Variants in IQSEC3 observed in about 807,000 individuals in gnomAD.
IQSEC3 encodes IQ motif and SEC7 domain-containing protein 3.
In IQSEC3, 50 loss-of-function variants were observed where a neutral mutation model predicts 105.4. The observed-to-expected ratio is 0.47, with a 90% CI of 0.38 to 0.60. The LOEUF (loss-of-function observed/expected upper bound fraction) is 0.60. IQSEC3 is among the 20% of genes least tolerant of loss of function. The pLI, the probability that IQSEC3 is intolerant of heterozygous loss-of-function variation, is 0.00. For missense variants in IQSEC3, 1,415 were observed against 1,630.0 expected (o/e 0.87, Z 2.27); for synonymous variants, 708 against 746.0 (o/e 0.95, Z 0.83).
chr12:95,640 T>C (rs934728960), intron 1 of IQSEC3, among the ~76,000 whole-genome samples: 3 of 152,258 alleles, frequency 2.0e-5, no homozygotes, highest in Non-Finnish European at 4.4e-5. Flanking sequence ...TTTGCATTCA[T>C]ATATAAATAG....
At chr12:110,711 G>T (rs578197503) in intron 2 of IQSEC3, among the ~76,000 whole-genome samples, 2 of 152,202 alleles carry the variant, frequency 1.3e-5, no homozygotes, top group Admixed American at 6.5e-5. Flanking sequence ...TAAAAATGGG[G>T]TCATAAAAAT....
At chr12:76,246 C>T (rs142895355) in intron 1 of IQSEC3, among the ~76,000 whole-genome samples, 2 of 152,330 alleles carry the variant, frequency 1.3e-5, no homozygotes, top group African/African-American at 4.8e-5. Flanking sequence ...AGCTGGATTC[C>T]GGGGTCATGA....
intron 4 of IQSEC3, 66 bp downstream of exon 4, chr12:139,420 A>T: frequency 9.1e-6 from 12 of 1,320,302 alleles, no homozygotes; most frequent in Non-Finnish European, 1.2e-5. Context: ...GGAGGAGGGC[A>T]CCTTCCCTCC....
rs78322129 is a variant in IQSEC3 at position 131,879 on chromosome 12, G to A, written c.903+5967G>A. Among the ~76,000 whole-genome samples, 1,004 of 152,324 alleles carry A rather than the reference G, an allele frequency of 6.6e-3. 12 individuals carry two copies. The highest frequency in any genetic ancestry group is 0.022 in the African/African-American group (924 of 41,572). On this transcript the variant is annotated intron_variant, in intron 3 of 13. Transcript: ENST00000538872. ...GGTTAGGACACACGATGGTGAACCC[G>A]GAACTGAATTCCAGTGTTATTCAGG...
intron 1 of IQSEC3, among the ~76,000 whole-genome samples, chr12:96,297 C>T (rs972682008): frequency 2.0e-5 from 3 of 152,070 alleles, no homozygotes; most frequent in Admixed American, 1.3e-4. Flanking sequence ...TAAAATGAGA[C>T]GGTGTAAAGA....
chr12:95,665 G>T (rs1315551842), intron 1 of IQSEC3, among the ~76,000 whole-genome samples: 1 of 152,150 alleles, frequency 6.6e-6, no homozygotes, highest in Non-Finnish European at 1.5e-5. Context: ...CACATGCAAA[G>T]AATTTGCATT....
Position 67,205 on chromosome 12 carries a change from C to G in IQSEC3, c.323C>G (p.Ala108Gly), listed in dbSNP as rs1475940208. The G allele has an allele frequency of 6.4e-7, 1 of 1,553,884 alleles. No homozygotes were observed. Among genetic ancestry groups the G allele is most frequent in the African/African-American group, 1.4e-5 (1 of 73,408 alleles). ...GQRSAAAPHP[A>G]PDRPPRQHHG... Reference sequence around the variant, plus strand: ...CGCTCAGCAGCCGCGCCGCATCCCGCGCCCGATCGGCCGCCGCGTCAGCAC... The same window carrying G: ...CGCTCAGCAGCCGCGCCGCATCCCGGGCCCGATCGGCCGCCGCGTCAGCAC... Residue 108 changes from alanine to glycine, a missense_variant, in exon 1 of 14, where the codon GCG (alanine) becomes GGG (glycine). Ala to Gly is a moderately conservative substitution (Grantham distance 60, BLOSUM62 0). Around this residue, in one of 6 missense-constraint regions of IQSEC3, gnomAD observed 26 missense variants for 108.1 expected, o/e 0.24. Coordinates refer to ENST00000538872, the MANE Select transcript of IQSEC3 (RefSeq NM_001170738.2).
intron 13 of IQSEC3, 63 bp downstream of exon 13, chr12:171,224 G>C: frequency 6.2e-7 from 1 of 1,613,754 alleles, no homozygotes; most frequent in East Asian, 2.2e-5. Flanking sequence ...TCTTCTCACC[G>C]TCTCTGTTGT....
At chr12:140,764 C>T in intron 4 of IQSEC3, 1 of 222,860 alleles carries the variant, frequency 4.5e-6, no homozygotes, top group Non-Finnish European at 8.8e-6. Flanking sequence ...CTCTGTTTCT[C>T]CCACCCTCTC....
intron 7 of IQSEC3, among the ~76,000 whole-genome samples, chr12:160,186 T>TCC (rs1390356450): frequency 4.7e-5 from 7 of 148,376 alleles, no homozygotes; most frequent in African/African-American, 1.5e-4. Flanking sequence ...GTTTTTTTTT[T>TCC]CCCCCATATT....
chr12:99,094 C>T (rs370911056), intron 1 of IQSEC3, 52 bp from the exon 2 acceptor site: 76 of 1,506,132 alleles, frequency 5.0e-5, no homozygotes, highest in African/African-American at 5.5e-5. Flanking sequence ...TCAGGCAGGG[C>T]GGGGACCCAG....
chr12:78,275 G>A lies in IQSEC3; in HGVS notation c.554+10839G>A, dbSNP rs1452767914. On this transcript the variant is annotated intron_variant, in intron 1 of 13. Coordinates refer to ENST00000538872, the MANE Select transcript of IQSEC3 (RefSeq NM_001170738.2). Reference sequence around the variant, plus strand: ...GCCCGCCGCCAGCCCGGGGAGCATCGGGGCCGCGGCCTTCGGGCCGGGTGC... The same window carrying A: ...GCCCGCCGCCAGCCCGGGGAGCATCAGGGCCGCGGCCTTCGGGCCGGGTGC... Among the ~76,000 whole-genome samples, 7 of 151,914 alleles carry A rather than the reference G, an allele frequency of 4.6e-5. No homozygotes were observed. The East Asian group carries it at 5.8e-4, about 13-fold the overall frequency.
chr12:174,209 T>C (rs1302097320), intron 13 of IQSEC3, among the ~76,000 whole-genome samples: 2 of 152,140 alleles, frequency 1.3e-5, no homozygotes, highest in African/African-American at 2.4e-5. Flanking sequence ...TGCCCTCCTT[T>C]GCCTCAGCAC....
intron 1 of IQSEC3, among the ~76,000 whole-genome samples, chr12:78,413 A>AGGAGGGGTC (rs1226629252): frequency 2.6e-5 from 4 of 151,610 alleles, no homozygotes; most frequent in African/African-American, 4.8e-5. Flanking sequence ...GGGGGCGGCT[A>AGGAGGGGTC]GGAGGGGTCG....
chr12:126,868 G>C (rs1865432629), intron 3 of IQSEC3, among the ~76,000 whole-genome samples: 1 of 152,228 alleles, frequency 6.6e-6, no homozygotes, highest in South Asian at 2.1e-4. Context: ...CTAAGACTGA[G>C]TCAAGCCAAA....
intron 3 of IQSEC3, among the ~76,000 whole-genome samples, chr12:135,466 G>A (rs1011576965): frequency 3.3e-5 from 5 of 152,186 alleles, no homozygotes; most frequent in East Asian, 3.8e-4. Context: ...AGTTCGTACC[G>A]TGGGCAAAAT....
chr12:125,287 G>A (rs1430716157), intron 2 of IQSEC3, among the ~76,000 whole-genome samples: 2 of 152,164 alleles, frequency 1.3e-5, no homozygotes, highest in Non-Finnish European at 2.9e-5. Context: ...AGAAACAGAG[G>A]TGCAATGAGG....
At chr12:110,581 A>C (rs1036054853) in intron 2 of IQSEC3, among the ~76,000 whole-genome samples, 1 of 152,040 alleles carries the variant, frequency 6.6e-6, no homozygotes. Flanking sequence ...CTCAGCTGGC[A>C]GGACTCCTTA....
chr12:100,239 G>A (rs1170436478), intron 2 of IQSEC3, among the ~76,000 whole-genome samples: 2 of 152,176 alleles, frequency 1.3e-5, no homozygotes, highest in East Asian at 3.9e-4. Flanking sequence ...GACTGGGCAG[G>A]TCTTCTTGTC....
Sources: gnomAD v4.1 joint callset for allele counts (sites outside exome capture counted in the v4.1 genomes callset) on GRCh38, gnomAD v4.1.1 for gene constraint, gnomAD v4.1.1 regional missense constraint, MANE v1.5 for transcripts, NCBI Gene and HGNC (gene_info 2026-07-23, HGNC 2026-07-21) for gene names.